The following PARVA variants were observed in gnomAD, a reference collection of about 807,000 sequenced individuals.
The protein encoded by PARVA is alpha-parvin.
A neutral mutation model predicts 52.6 loss-of-function variants in PARVA; 25 were observed. The ratio of observed to expected loss-of-function variants is 0.48; its 90% CI spans 0.35 to 0.66. PARVA has a LOEUF of 0.66. PARVA is among the 30% of genes least tolerant of loss of function. PARVA has a pLI of 0.01. For synonymous variants in PARVA, 185 were observed against 179.1 expected (o/e 1.03, Z -0.26); for missense variants, 373 against 450.9 (o/e 0.83, Z 1.56).
chr11:12,402,023 T>C (rs1939835725), intron 1 of PARVA, among the ~76,000 whole-genome samples: 1 of 152,232 alleles, frequency 6.6e-6, no homozygotes, highest in Admixed American at 6.5e-5. Context: ...AAAATTCATG[T>C]AAAGTGTTAT....
At position 12,415,371 on chromosome 11, in the gene PARVA, G is replaced by A. The variant is rs191465995; in HGVS notation, c.136+37588G>A. Reference sequence around the variant, plus strand: ...TTTTTGTAAATCAGAGGAGAAAGCCGTATGTTGACAACCCTGCATTTAAGA... The same window carrying A: ...TTTTTGTAAATCAGAGGAGAAAGCCATATGTTGACAACCCTGCATTTAAGA... On this transcript the variant is annotated intron_variant, in intron 1 of 12. Transcript: ENST00000334956. 6.1e-3 allele frequency among the ~76,000 whole-genome samples: 935 copies of A among 152,222 alleles called. 8 individuals are homozygous for A. Among genetic ancestry groups the A allele is most frequent in the Non-Finnish European group, 8.5e-3 (577 of 68,018 alleles).
chr11:12,484,237 G>A (rs537546038), intron 4 of PARVA, among the ~76,000 whole-genome samples: 1 of 152,292 alleles, frequency 6.6e-6, no homozygotes, highest in South Asian at 2.1e-4. Context: ...ATGGCCCACT[G>A]CCTGCTTCTT....
At chr11:12,420,580 G>T (rs1435858032) in intron 1 of PARVA, among the ~76,000 whole-genome samples, 1 of 152,212 alleles carries the variant, frequency 6.6e-6, no homozygotes, top group Non-Finnish European at 1.5e-5. Context: ...GTATGGTTCT[G>T]TAAGCTCCTG....
At position 12,448,106 on chromosome 11, in the gene PARVA, G is replaced by A. The variant is rs138637657; in HGVS notation, c.137-25639G>A. ...TGTGTATAAATTACAATTGAATCAC[G>A]TGCAGGGCTGACATCTGATTAACCT... On this transcript the variant is annotated intron_variant, in intron 1 of 12. Coordinates refer to ENST00000334956, the MANE Select transcript of PARVA (RefSeq NM_018222.5). Among the ~76,000 whole-genome samples, 697 of 152,218 alleles carry A rather than the reference G, an allele frequency of 4.6e-3. 3 individuals carry two copies. Among genetic ancestry groups the A allele is most frequent in the Non-Finnish European group, 4.8e-3 (326 of 68,022 alleles).
chr11:12,454,650 C>T (rs1189703715), intron 1 of PARVA, among the ~76,000 whole-genome samples: 2 of 151,858 alleles, frequency 1.3e-5, no homozygotes, highest in Admixed American at 6.6e-5. Context: ...TAGTGTAATA[C>T]ACTACCAATG....
intron 7 of PARVA, among the ~76,000 whole-genome samples, chr11:12,510,795 CT>C (rs1941494683): frequency 6.6e-6 from 1 of 152,168 alleles, no homozygotes; most frequent in South Asian, 2.1e-4. Context: ...TTACCTCCCC[CT>C]GGGTCCCTCC....
intron 1 of PARVA, among the ~76,000 whole-genome samples, chr11:12,440,398 T>C (rs934816470): frequency 6.6e-6 from 1 of 152,226 alleles, no homozygotes; most frequent in Non-Finnish European, 1.5e-5. Flanking sequence ...ACTTCTCTCC[T>C]TCCCACTGGG....
intron 1 of PARVA, among the ~76,000 whole-genome samples, chr11:12,408,644 C>G (rs553837829): frequency 2.0e-5 from 3 of 152,266 alleles, no homozygotes; most frequent in South Asian, 4.1e-4. Flanking sequence ...TTATCCAGTT[C>G]AGAACTGCTC....
At chr11:12,424,219 C>T (rs1940194171) in intron 1 of PARVA, among the ~76,000 whole-genome samples, 1 of 151,990 alleles carries the variant, frequency 6.6e-6, no homozygotes, top group African/African-American at 2.4e-5. Flanking sequence ...TTTTTCATTG[C>T]CTTTTCTAAC....
rs10622434 is a variant in PARVA, at chr11:12,421,016, C to CT, written c.136+43246dup. ...ATCTGTTTATATCAGCATGTTAGGA[C>CT]TTTTTTTTTTTTTGTACTTCTCAAT... On this transcript the variant is annotated intron_variant, in intron 1 of 12. Transcript: ENST00000334956. Among the ~76,000 whole-genome samples the CT allele has an allele frequency of 2.2e-3, 314 of 142,282 alleles. 2 individuals carry two copies. Among genetic ancestry groups the CT allele is most frequent in the Middle Eastern group, 7.1e-3 (2 of 282 alleles). The allele number at this position is 142,282 out of a possible 152,430, so 93.3% of individuals were successfully genotyped here.
At chr11:12,470,834 G>A (rs1940923631) in intron 1 of PARVA, among the ~76,000 whole-genome samples, 1 of 152,252 alleles carries the variant, frequency 6.6e-6, no homozygotes, top group African/African-American at 2.4e-5. Context: ...TTACATTTTT[G>A]TAGAACATTC....
At chr11:12,471,387 A>C (rs1940932289) in intron 1 of PARVA, among the ~76,000 whole-genome samples, 1 of 152,108 alleles carries the variant, frequency 6.6e-6, no homozygotes. Flanking sequence ...TTATTTTTTA[A>C]CTTTAAGTTC....
At chr11:12,393,070 A>AAAAAAAAAAAAAAAAAAAAAAAAAC (rs1939685082) in intron 1 of PARVA, among the ~76,000 whole-genome samples, 1 of 150,816 alleles carries the variant, frequency 6.6e-6, no homozygotes, top group African/African-American at 2.4e-5. Flanking sequence ...AAAAAAAAGA[A>AAAAAAAAAAAAAAAAAAAAAAAAAC]AGAAAAAAAA....
At position 12,534,191 on chromosome 11, in the gene PARVA, A is replaced by G; in HGVS notation, c.*6266A>G. Among the ~76,000 whole-genome samples, 1 of 152,150 alleles carries G rather than the reference A, an allele frequency of 6.6e-6. No individual in the cohort carries two copies. Among genetic ancestry groups the G allele is most frequent in the Non-Finnish European group, 1.5e-5 (1 of 68,024 alleles). On this transcript the variant is annotated 3_prime_UTR_variant, in exon 13 of 13. Coordinates refer to ENST00000334956, the MANE Select transcript of PARVA (RefSeq NM_018222.5). ...TCAAAAAAACAAAACAAAACAAAACAAAAATCCATGAACAAGTGGACCTGC... is the reference window on the plus strand; with the variant it reads ...TCAAAAAAACAAAACAAAACAAAACGAAAATCCATGAACAAGTGGACCTGC...
chr11:12,420,863 A>G (rs1333129090), intron 1 of PARVA, among the ~76,000 whole-genome samples: 1 of 152,074 alleles, frequency 6.6e-6, no homozygotes, highest in Non-Finnish European at 1.5e-5. Flanking sequence ...ACTAGCATTC[A>G]AGTCCAGGCG....
At chr11:12,511,446 T>C in intron 7 of PARVA, 68 bp from the exon 8 acceptor site, 2 of 1,546,444 alleles carry the variant, frequency 1.3e-6, no homozygotes, top group Non-Finnish European at 1.8e-6. Flanking sequence ...GAGTGTCCTT[T>C]CAGAGGACTG....
intron 1 of PARVA, among the ~76,000 whole-genome samples, chr11:12,406,674 T>C (rs1258670059): frequency 7.3e-6 from 1 of 136,498 alleles, no homozygotes; most frequent in African/African-American, 2.8e-5. Flanking sequence ...TTTTTTTTTT[T>C]TTTTTTTTTT....
intron 1 of PARVA, among the ~76,000 whole-genome samples, chr11:12,402,133 T>C (rs1388733851): frequency 1.3e-5 from 2 of 152,040 alleles, no homozygotes; most frequent in African/African-American, 4.8e-5. Flanking sequence ...AGAGTGGGTT[T>C]GAAGGGAACC....
At chr11:12,443,825 G>A (rs1412545601) in intron 1 of PARVA, among the ~76,000 whole-genome samples, 2 of 152,074 alleles carry the variant, frequency 1.3e-5, no homozygotes, top group African/African-American at 4.8e-5. Flanking sequence ...TTTGCTTCTG[G>A]GCTTGCTTCT....
Sources: allele counts gnomAD v4.1 joint callset (sites outside exome capture counted in the v4.1 genomes callset), GRCh38; gene constraint gnomAD v4.1.1; transcripts MANE v1.5; gene names NCBI Gene and HGNC (gene_info 2026-07-23, HGNC 2026-07-21).